The following NELL1 variants were observed in gnomAD, a reference collection of about 807,000 sequenced individuals.
NELL1 encodes protein kinase C-binding protein NELL1.
NELL1 carries 76 observed loss-of-function variants against 107.4 expected under a neutral mutation model. That is an observed-to-expected ratio of 0.71 (90% CI 0.59 to 0.86). The LOEUF is 0.86. Among genes scored for constraint, NELL1 ranks in the 40% least tolerant of loss-of-function variants. The pLI, the probability that NELL1 is intolerant of heterozygous loss-of-function variation, is 0.00. For missense variants in NELL1, 1,024 were observed against 1,005.5 expected, an observed-to-expected ratio of 1.02 and a Z score of -0.25; for synonymous variants, 353 against 341.2, an observed-to-expected ratio of 1.03 and a Z score of -0.38.
intron 5 of NELL1, among the ~76,000 whole-genome samples, chr11:20,887,157 G>C (rs1251651942): frequency 6.6e-6 from 1 of 152,172 alleles, no homozygotes; most frequent in Non-Finnish European, 1.5e-5. Flanking sequence ...GTTGTTGTGT[G>C]TATCAGTGGT....
intron 2 of NELL1, among the ~76,000 whole-genome samples, chr11:20,774,876 G>C (rs1236226291): frequency 6.6e-6 from 1 of 151,904 alleles, no homozygotes; most frequent in Non-Finnish European, 1.5e-5. Context: ...ACACCTTGGG[G>C]TTCTCAGATT....
chr11:21,179,862 CTTTTTTTTTTT>C (rs1164420669), intron 13 of NELL1, among the ~76,000 whole-genome samples: 13 of 75,702 alleles, frequency 1.7e-4, no homozygotes, highest in East Asian at 9.1e-4. Flanking sequence ...AATCAACACA[CTTTTTTTTTTT>C]TTTTTTTTTT....
chr11:21,168,848 TGAA>T (rs1040473405), intron 13 of NELL1, among the ~76,000 whole-genome samples: 3 of 152,038 alleles, frequency 2.0e-5, no homozygotes, highest in Admixed American at 6.5e-5. Flanking sequence ...ATTGTTTCTC[TGAA>T]GAAGATTTTG....
intron 16 of NELL1, among the ~76,000 whole-genome samples, chr11:21,545,453 A>T (rs1856418329): frequency 1.3e-5 from 2 of 151,936 alleles, no homozygotes; most frequent in Admixed American, 1.3e-4. Context: ...GGAGAGCTGG[A>T]ACTTGAAGAG....
At chr11:21,045,313 T>A (rs538335340) in intron 12 of NELL1, among the ~76,000 whole-genome samples, 1 of 152,240 alleles carries the variant, frequency 6.6e-6, no homozygotes, top group East Asian at 1.9e-4. Flanking sequence ...AAGTTGTGAA[T>A]GTCTGAAGTG....
chr11:20,870,847 A>G (rs574508731), intron 4 of NELL1, among the ~76,000 whole-genome samples: 1 of 152,326 alleles, frequency 6.6e-6, no homozygotes, highest in Admixed American at 6.5e-5. Flanking sequence ...GCTGGAAAAA[A>G]TAAAAATTTC....
chr11:20,890,382 T>G (rs1849594086), intron 5 of NELL1, among the ~76,000 whole-genome samples: 1 of 152,030 alleles, frequency 6.6e-6, no homozygotes, highest in South Asian at 2.1e-4. Flanking sequence ...AGACTGAAAC[T>G]AGACAAACTC....
At chr11:20,902,013 C>T (rs142456250) in intron 5 of NELL1, among the ~76,000 whole-genome samples, 16 of 152,096 alleles carry the variant, frequency 1.1e-4, no homozygotes, top group African/African-American at 3.4e-4. Flanking sequence ...AAATCACTTA[C>T]AAGTACAATT....
chr11:21,149,535 G>A (rs553442515), intron 13 of NELL1, among the ~76,000 whole-genome samples: 14 of 152,274 alleles, frequency 9.2e-5, no homozygotes, highest in Admixed American at 9.2e-4. Context: ...GAGTATGGGG[G>A]AATCCCCTCC....
chr11:20,819,485 G>A (rs1301682450), intron 3 of NELL1, among the ~76,000 whole-genome samples: 1 of 152,196 alleles, frequency 6.6e-6, no homozygotes, highest in East Asian at 1.9e-4. Context: ...TCCACTGAGG[G>A]CAATGTGTGG....
chr11:21,102,174 T>G (rs1854835955), intron 12 of NELL1, among the ~76,000 whole-genome samples: 1 of 152,216 alleles, frequency 6.6e-6, no homozygotes, highest in Admixed American at 6.5e-5. Context: ...TTTCTTAACC[T>G]TTTTGTTAAA....
intron 14 of NELL1, among the ~76,000 whole-genome samples, chr11:21,368,546 A>G (rs1851284479): frequency 6.6e-6 from 1 of 151,994 alleles, no homozygotes; most frequent in African/African-American, 2.4e-5. Flanking sequence ...CTTTCTACCT[A>G]TGCAGCCTTA....
intron 14 of NELL1, among the ~76,000 whole-genome samples, chr11:21,264,804 G>C (rs1045707251): frequency 6.6e-6 from 1 of 151,774 alleles, no homozygotes; most frequent in Non-Finnish European, 1.5e-5. Flanking sequence ...TTTTACCAGA[G>C]AGCACTTCAT....
At chr11:20,792,074 G>A (rs1288445841) in intron 3 of NELL1, among the ~76,000 whole-genome samples, 1 of 151,864 alleles carries the variant, frequency 6.6e-6, no homozygotes, top group African/African-American at 2.4e-5. Context: ...TCTGCAGCTT[G>A]CTTTCTTTCC....
intron 14 of NELL1, among the ~76,000 whole-genome samples, chr11:21,242,708 T>A (rs917258194): frequency 7.2e-5 from 11 of 152,112 alleles, no homozygotes; most frequent in Non-Finnish European, 1.5e-4. Context: ...TTGAGTAAAC[T>A]CATCCCTTCC....
intron 14 of NELL1, among the ~76,000 whole-genome samples, chr11:21,279,744 G>A (rs562840466): frequency 5.9e-5 from 9 of 152,292 alleles, no homozygotes; most frequent in Admixed American, 2.0e-4. Flanking sequence ...TGTAAACTCT[G>A]TCCTCACCAA....
chr11:21,487,632 T>A (rs374262382), intron 15 of NELL1, among the ~76,000 whole-genome samples: 2 of 151,668 alleles, frequency 1.3e-5, no homozygotes, highest in African/African-American at 2.4e-5. Flanking sequence ...ACAAAGAACA[T>A]ACAACCAGAA....
At chr11:21,367,300 AC>A (rs1851249895) in intron 14 of NELL1, among the ~76,000 whole-genome samples, 2 of 119,322 alleles carry the variant, frequency 1.7e-5, no homozygotes, top group African/African-American at 3.1e-5. Context: ...ACACACACAC[AC>A]AATCTATTTT....
At chr11:21,346,495 A>G (rs1258711772) in intron 14 of NELL1, among the ~76,000 whole-genome samples, 1 of 148,508 alleles carries the variant, frequency 6.7e-6, no homozygotes, top group Non-Finnish European at 1.5e-5. Context: ...TTCAATTATT[A>G]AATTTAAAAT....
Sources: allele counts gnomAD v4.1 joint callset (sites outside exome capture counted in the v4.1 genomes callset), GRCh38; gene constraint gnomAD v4.1.1; transcripts MANE v1.5; gene names NCBI Gene and HGNC (gene_info 2026-07-23, HGNC 2026-07-21).